The following KLHL1 variants were observed in gnomAD, a reference collection of about 807,000 sequenced individuals.
KLHL1 encodes the protein kelch-like protein 1.
KLHL1 carries 47 observed loss-of-function variants against 77.7 expected under a neutral mutation model. The ratio of observed to expected loss-of-function variants is 0.60; its 90% CI spans 0.48 to 0.77. The LOEUF is 0.77. Among genes scored for constraint, KLHL1 ranks in the 30% least tolerant of loss-of-function variants. The probability of loss-of-function intolerance (pLI) is 0.00; values close to 1 mark genes in which losing one functional copy is unlikely to be tolerated. For missense variants in KLHL1, 925 were observed against 910.8 expected (o/e 1.02, Z -0.20); for synonymous variants, 360 against 325.2 (o/e 1.11, Z -1.15).
intron 6 of KLHL1, among the ~76,000 whole-genome samples, chr13:69,828,549 A>G (rs1878635720): frequency 6.7e-6 from 1 of 150,102 alleles, no homozygotes; most frequent in South Asian, 2.1e-4. Context: ...TCCAGGGCGG[A>G]GTGCAAATGG....
intron 10 of KLHL1, among the ~76,000 whole-genome samples, chr13:69,704,128 A>G (rs1875523174): frequency 6.6e-6 from 1 of 151,562 alleles, no homozygotes; most frequent in African/African-American, 2.4e-5. Flanking sequence ...CTACATTTAT[A>G]CCTCTATCTC....
At position 69,850,867 on chromosome 13, in the gene KLHL1, G is replaced by A. The variant is rs74092613; in HGVS notation, c.1228-11705C>T. Among the ~76,000 whole-genome samples the A allele has an allele frequency of 7.8e-3, 1,184 of 151,636 alleles. 13 individuals carry two copies. The highest frequency in any genetic ancestry group is 0.027 in the African/African-American group (1,124 of 41,476). On this transcript the variant is annotated intron_variant, in intron 5 of 10. Coordinates refer to ENST00000377844, the MANE Select transcript of KLHL1 (RefSeq NM_020866.3). ...GGCTGTTCTATACATTATCCTTCAC[G>A]AGAACAATTTTCGCACTTTGTCTTT...
At chr13:69,993,857 C>T (rs1885085038) in intron 1 of KLHL1, among the ~76,000 whole-genome samples, 1 of 152,066 alleles carries the variant, frequency 6.6e-6, no homozygotes, top group African/African-American at 2.4e-5. Context: ...AAGATACTGG[C>T]ATCAGAATGG....
intron 1 of KLHL1, among the ~76,000 whole-genome samples, chr13:70,036,618 C>T (rs1886244353): frequency 6.6e-6 from 1 of 151,848 alleles, no homozygotes; most frequent in African/African-American, 2.4e-5. Context: ...TGCTTTTTTA[C>T]TCAATGTGAT....
chr13:69,705,854 T>C (rs1408418082), intron 10 of KLHL1, among the ~76,000 whole-genome samples: 2 of 151,752 alleles, frequency 1.3e-5, no homozygotes, highest in African/African-American at 4.8e-5. Flanking sequence ...ACTACATATA[T>C]TGTTTTGATT....
intron 4 of KLHL1, among the ~76,000 whole-genome samples, chr13:69,919,970 CACTT>C (rs1490705971): frequency 3.3e-5 from 5 of 152,094 alleles, no homozygotes; most frequent in Admixed American, 6.6e-5. Context: ...TCACATAACT[CACTT>C]GCTTGCTTGT....
At chr13:69,873,636 A>C (rs1231771792) in intron 5 of KLHL1, among the ~76,000 whole-genome samples, 2 of 152,148 alleles carry the variant, frequency 1.3e-5, no homozygotes, top group Non-Finnish European at 2.9e-5. Context: ...ATAACATATC[A>C]ACAGATAGGA....
intron 1 of KLHL1, among the ~76,000 whole-genome samples, chr13:69,986,929 A>C (rs1884886808): frequency 6.6e-6 from 1 of 151,992 alleles, no homozygotes; most frequent in East Asian, 1.9e-4. Flanking sequence ...TTCATAATAG[A>C]CAAGAAGTCT....
chr13:69,890,357 A>G (rs1025534776), intron 4 of KLHL1, among the ~76,000 whole-genome samples: 3 of 152,034 alleles, frequency 2.0e-5, no homozygotes, highest in African/African-American at 7.2e-5. Context: ...ACCACTATCT[A>G]ACATATTCTT....
intron 1 of KLHL1, among the ~76,000 whole-genome samples, chr13:70,056,491 T>G (rs1886748536): frequency 6.6e-6 from 1 of 152,084 alleles, no homozygotes; most frequent in African/African-American, 2.4e-5. Context: ...CAAATGGAAC[T>G]AATGTATTTC....
intron 8 of KLHL1, among the ~76,000 whole-genome samples, chr13:69,726,063 A>G (rs756160597): frequency 6.6e-6 from 1 of 152,128 alleles, no homozygotes; most frequent in South Asian, 2.1e-4. Context: ...TATAATCTGT[A>G]TCCTATGTAT....
intron 7 of KLHL1, among the ~76,000 whole-genome samples, chr13:69,786,905 A>G (rs1194175400): frequency 3.3e-5 from 5 of 152,332 alleles, no homozygotes; most frequent in Non-Finnish European, 7.3e-5. Context: ...CCCATTCACA[A>G]TTGCTTCAAA....
At chr13:69,723,090 C>T (rs1566182312) in intron 8 of KLHL1, among the ~76,000 whole-genome samples, 7 of 152,006 alleles carry the variant, frequency 4.6e-5, no homozygotes. Flanking sequence ...ACAAATACCA[C>T]ATTATCTCAC....
chr13:69,869,371 T>C (rs1291544118), intron 5 of KLHL1, among the ~76,000 whole-genome samples: 1 of 152,092 alleles, frequency 6.6e-6, no homozygotes, highest in Non-Finnish European at 1.5e-5. Flanking sequence ...ATGTTTAGAA[T>C]ATAAAATCAC....
chr13:69,992,433 TG>T (rs1470150102), intron 1 of KLHL1, among the ~76,000 whole-genome samples: 2 of 151,966 alleles, frequency 1.3e-5, no homozygotes, highest in Admixed American at 6.6e-5. Context: ...CTGAACCACC[TG>T]AATTTGCATA....
intron 7 of KLHL1, among the ~76,000 whole-genome samples, chr13:69,779,963 C>A (rs887920091): frequency 1.1e-4 from 16 of 152,000 alleles, no homozygotes; most frequent in South Asian, 1.0e-3. Flanking sequence ...ACCACCACAC[C>A]CAACTAATTT....
chr13:69,812,227 T>C (rs934836495), intron 6 of KLHL1, among the ~76,000 whole-genome samples: 4 of 152,198 alleles, frequency 2.6e-5, no homozygotes, highest in Non-Finnish European at 4.4e-5. Context: ...GTGAGTTTCT[T>C]AATCCTGAGT....
Position 69,901,965 on chromosome 13 carries a change from T to A in KLHL1, c.1015-19470A>T, listed in dbSNP as rs113962649. 5.1e-4 allele frequency among the ~76,000 whole-genome samples: 78 copies of A among 152,130 alleles called. 1 individual carries two copies. Among genetic ancestry groups the A allele is most frequent in the African/African-American group, 1.8e-3 (73 of 41,526 alleles). Reference sequence around the variant, plus strand: ...AGCATGTACCACCTTGCTCAGCTAATTTTTTTGTATTGTTAGCAGAGACAG... The same window carrying A: ...AGCATGTACCACCTTGCTCAGCTAAATTTTTTGTATTGTTAGCAGAGACAG... On this transcript the variant is annotated intron_variant, in intron 4 of 10. Transcript: ENST00000377844.
At chr13:69,983,426 A>G (rs184076690) in intron 1 of KLHL1, among the ~76,000 whole-genome samples, 26 of 152,116 alleles carry the variant, frequency 1.7e-4, no homozygotes, top group Non-Finnish European at 1.8e-4. Context: ...AACTAGCTGG[A>G]GGCATTACAC....
Sources: allele counts gnomAD v4.1 joint callset (sites outside exome capture counted in the v4.1 genomes callset), GRCh38; gene constraint gnomAD v4.1.1; transcripts MANE v1.5; gene names NCBI Gene and HGNC (gene_info 2026-07-23, HGNC 2026-07-21).